Variants in CHMP3 observed in about 807,000 individuals in gnomAD.
CHMP3 encodes charged multivesicular body protein 3.
A neutral mutation model predicts 27.4 loss-of-function variants in CHMP3; 8 were observed. That is an observed-to-expected ratio of 0.29 (90% CI 0.17 to 0.53). The LOEUF is 0.53. Ranked by LOEUF, CHMP3 falls within the 20% of genes least tolerant of loss-of-function variation. The probability of loss-of-function intolerance (pLI) is 0.96; values close to 1 mark genes in which losing one functional copy is unlikely to be tolerated. For synonymous variants in CHMP3, 86 were observed against 85.5 expected, an observed-to-expected ratio of 1.01 and a Z score of -0.03; for missense variants, 208 against 271.5, an observed-to-expected ratio of 0.77 and a Z score of 1.64.
intron 2 of CHMP3, among the ~76,000 whole-genome samples, chr2:86,532,252 A>G (rs1171131194): frequency 6.6e-6 from 1 of 152,144 alleles, no homozygotes; most frequent in Non-Finnish European, 1.5e-5. Flanking sequence ...CAGATTGTCC[A>G]TCGTTAATAT....
intron 1 of CHMP3, among the ~76,000 whole-genome samples, chr2:86,558,768 A>G (rs1677226578): frequency 6.6e-6 from 1 of 151,880 alleles, no homozygotes; most frequent in South Asian, 2.1e-4. Flanking sequence ...CATTTAGTCA[A>G]TTCCCTCTCT....
intron 1 of CHMP3, among the ~76,000 whole-genome samples, chr2:86,547,764 T>C (rs1676667036): frequency 6.6e-6 from 1 of 152,210 alleles, no homozygotes; most frequent in Non-Finnish European, 1.5e-5. Context: ...ATTTATTTAG[T>C]GCCAATAGGA....
intron 1 of CHMP3, among the ~76,000 whole-genome samples, chr2:86,549,219 A>ACGGGG (rs1676757800): frequency 3.3e-5 from 4 of 122,452 alleles, no homozygotes; most frequent in African/African-American, 9.6e-5. Flanking sequence ...CGCCTCCCAG[A>ACGGGG]CAGGGCGGCC....
At chr2:86,523,294 A>C (rs1675582146) in intron 3 of CHMP3, among the ~76,000 whole-genome samples, 1 of 152,218 alleles carries the variant, frequency 6.6e-6, no homozygotes, top group Non-Finnish European at 1.5e-5. Context: ...TTAATAGTTC[A>C]TCTTCTTTCA....
At chr2:86,546,460 G>A (rs1429072727) in intron 1 of CHMP3, among the ~76,000 whole-genome samples, 3 of 147,664 alleles carry the variant, frequency 2.0e-5, no homozygotes, top group East Asian at 4.0e-4. Context: ...TTTTTGAGAC[G>A]GACTTTCGCT....
chr2:86,522,565 T>C (rs375332875), intron 3 of CHMP3, among the ~76,000 whole-genome samples: 16 of 152,314 alleles, frequency 1.1e-4, no homozygotes, highest in South Asian at 6.2e-4. Flanking sequence ...CCTCTCCCTG[T>C]GTTTCCAGTG....
At chr2:86,536,277 C>T (rs918480032) in intron 2 of CHMP3, among the ~76,000 whole-genome samples, 3 of 152,130 alleles carry the variant, frequency 2.0e-5, no homozygotes, top group Admixed American at 6.5e-5. Context: ...GGATTACAGG[C>T]GTGAGCCACC....
At chr2:86,510,277 C>CCCCCAA in intron 4 of CHMP3, 81 bp downstream of exon 4, 2 of 1,118,946 alleles carry the variant, frequency 1.8e-6, no homozygotes, top group Non-Finnish European at 2.6e-6. Context: ...CATCCCCACC[C>CCCCCAA]ACCCTCATCC....
Position 86,554,879 on chromosome 2 carries a change from G to A in CHMP3, c.45+8425C>T, listed in dbSNP as rs1219500417. 7.6e-5 allele frequency among the ~76,000 whole-genome samples: 11 copies of A among 144,048 alleles called. No homozygotes were observed. The South Asian group carries it at 1.3e-3, about 17-fold the overall frequency. The allele number at this position is 144,048 out of a possible 152,430, so 94.5% of individuals were successfully genotyped here. A position where few individuals can be genotyped will look rare whatever the true frequency, so the allele number is the denominator to read the frequency against. ...TTTTTTTTTTTTGAGATGGAGTCCC[G>A]CTCTGTCGCCCAGGCTAGAGTGCAG... On this transcript the variant is annotated intron_variant, in intron 1 of 5. Coordinates refer to ENST00000263856, the MANE Select transcript of CHMP3 (RefSeq NM_016079.4).
intron 1 of CHMP3, among the ~76,000 whole-genome samples, chr2:86,551,673 C>G (rs1368741881): frequency 2.0e-5 from 3 of 152,186 alleles, no homozygotes; most frequent in African/African-American, 7.2e-5. Context: ...AAGGTAGTCC[C>G]AAATGATTGG....
In CHMP3 at chr2:86,542,242, G is replaced by A. The variant is rs775122361; in HGVS notation, c.106+10C>T. 5.6e-6 allele frequency: 9 copies of A among 1,612,820 alleles called. 1 individual carries two copies. Among genetic ancestry groups the A allele is most frequent in the South Asian group, 5.5e-5 (5 of 90,990 alleles). ...GGGTGAAAAATAGAAGACATAAAAT[G>A]ATAACTTACCCCTTATTTGCCTGTC... On this transcript the variant is annotated intron_variant, in intron 2 of 5. Transcript: ENST00000263856.
intron 3 of CHMP3, among the ~76,000 whole-genome samples, chr2:86,522,128 AG>A (rs1313898025): frequency 6.6e-6 from 1 of 152,174 alleles, no homozygotes; most frequent in South Asian, 2.1e-4. Context: ...ATAGGTGACA[AG>A]GCTGAATAGA....
At chr2:86,526,095 G>T (rs1445594656) in intron 3 of CHMP3, among the ~76,000 whole-genome samples, 1 of 152,196 alleles carries the variant, frequency 6.6e-6, no homozygotes, top group African/African-American at 2.4e-5. Context: ...TATATGAAAT[G>T]AACAACTTAA....
chr2:86,544,657 T>G (rs926096676), intron 1 of CHMP3, among the ~76,000 whole-genome samples: 4 of 152,180 alleles, frequency 2.6e-5, no homozygotes, highest in Admixed American at 6.5e-5. Context: ...GCACCGGGTT[T>G]GGGGTAAGGT....
intron 1 of CHMP3, 144 bp downstream of exon 1, chr2:86,563,160 G>T: frequency 2.1e-6 from 2 of 949,448 alleles, no homozygotes; most frequent in East Asian, 5.0e-5. Flanking sequence ...TCTTCCTCCG[G>T]CCCCCCTGTC....
At position 86,505,746 on chromosome 2, in the gene CHMP3, C is replaced by T. The variant is rs1448025429; in HGVS notation, c.*58G>A. 1 of 1,441,656 alleles carries T rather than the reference C, an allele frequency of 6.9e-7. No homozygotes were observed. The highest frequency in any genetic ancestry group is 1.4e-5 in the African/African-American group (1 of 69,520). The allele number at this position is 1,441,656 out of a possible 1,614,324, so 89.3% of individuals were successfully genotyped here. A position where few individuals can be genotyped will look rare whatever the true frequency, so the allele number is the denominator to read the frequency against. On this transcript the variant is annotated 3_prime_UTR_variant, in exon 6 of 6. Transcript: ENST00000263856. ...CACAACAGAGGTGTAGTGCAAGAGACACATAAAATGGCAGCTCTTGAGAGG... is the reference window on the plus strand; with the variant it reads ...CACAACAGAGGTGTAGTGCAAGAGATACATAAAATGGCAGCTCTTGAGAGG...
rs1338259852 is a variant in CHMP3 at position 86,504,221 on chromosome 2, A to G, written c.*1583T>C. 6.6e-6 allele frequency: 1 copy of G among 152,180 alleles called. No individual in the cohort carries two copies. Among genetic ancestry groups the G allele is most frequent in the Non-Finnish European group, 1.5e-5 (1 of 68,026 alleles). 9.4% of individuals were successfully genotyped at this position (152,180 alleles called of 1,614,324 possible). A position where few individuals can be genotyped will look rare whatever the true frequency, so the allele number is the denominator to read the frequency against. On this transcript the variant is annotated 3_prime_UTR_variant, in exon 6 of 6. Transcript: ENST00000263856. Reference sequence around the variant, plus strand: ...CTAAGCCCATACAATGTACAACACCAGAGTGAATCTTCATGTAAACTATGG... The same window carrying G: ...CTAAGCCCATACAATGTACAACACCGGAGTGAATCTTCATGTAAACTATGG...
intron 1 of CHMP3, among the ~76,000 whole-genome samples, chr2:86,546,123 G>A (rs1238641128): frequency 6.6e-6 from 1 of 152,204 alleles, no homozygotes; most frequent in Non-Finnish European, 1.5e-5. Flanking sequence ...CACCTCGGGA[G>A]GCCGAGGCAG....
chr2:86,517,565 CAAAAAAA>C (rs70956116), intron 3 of CHMP3, among the ~76,000 whole-genome samples: 5 of 90,114 alleles, frequency 5.5e-5, no homozygotes, highest in East Asian at 6.2e-4. Flanking sequence ...GACTCCGTCT[CAAAAAAA>C]AAAAAAAAAA....
Sources: allele counts gnomAD v4.1 joint callset (sites outside exome capture counted in the v4.1 genomes callset), GRCh38; gene constraint gnomAD v4.1.1; transcripts MANE v1.5; gene names NCBI Gene and HGNC (gene_info 2026-07-23, HGNC 2026-07-21).